MYOM1: variants seen among roughly 807,000 people sequenced by gnomAD.
MYOM1 encodes the protein myomesin 1.
In MYOM1, 164 loss-of-function variants were observed where a neutral mutation model predicts 205.3. The observed-to-expected ratio is 0.80, with a 90% CI of 0.70 to 0.91. The LOEUF (loss-of-function observed/expected upper bound fraction) is 0.91, where lower values mean the gene tolerates loss of function less well. Among genes scored for constraint, MYOM1 ranks in the 40% least tolerant of loss-of-function variants. MYOM1 has a pLI of 0.00. For synonymous variants in MYOM1, 772 were observed against 789.4 expected (o/e 0.98, Z 0.37); for missense variants, 2,011 against 2,127.3 (o/e 0.95, Z 1.08).
intron 5 of MYOM1, 76 bp from the exon 6 acceptor site, chr18:3,176,210 G>A: frequency 2.4e-6 from 2 of 836,252 alleles, no homozygotes; most frequent in Non-Finnish European, 4.0e-6. Flanking sequence ...CACAATTCTT[G>A]TTCTTGCAGG....
At chr18:3,205,166 A>G (rs2081112258) in intron 2 of MYOM1, among the ~76,000 whole-genome samples, 1 of 152,170 alleles carries the variant, frequency 6.6e-6, no homozygotes, top group Non-Finnish European at 1.5e-5. Flanking sequence ...GACTTAATCA[A>G]AGAGTTCTTA....
At chr18:3,094,686 G>A (rs1397930295) in intron 25 of MYOM1, among the ~76,000 whole-genome samples, 1 of 150,296 alleles carries the variant, frequency 6.7e-6, no homozygotes. Context: ...TTTTGCAATA[G>A]GTTCTCACTC....
chr18:3,139,281 C>T (rs145241734), intron 14 of MYOM1, among the ~76,000 whole-genome samples: 13 of 152,296 alleles, frequency 8.5e-5, no homozygotes, highest in African/African-American at 1.4e-4. Flanking sequence ...GTCTCTGACA[C>T]GACCAGATTT....
rs1367446609 is a variant in MYOM1, at chr18:3,215,248, C to T, written c.-25G>A. 9 of 1,579,134 alleles carry T rather than the reference C, an allele frequency of 5.7e-6. No individual in the cohort carries two copies. The highest frequency in any genetic ancestry group is 7.8e-6 in the Non-Finnish European group (9 of 1,160,020). ...TCCTGTGCCCCTTGAAGGAACCGGG[C>T]CACCTGAAGGAAAACAACACTTTTT... On this transcript the variant is annotated 5_prime_UTR_variant, in exon 2 of 38. Transcript: ENST00000356443.
At chr18:3,140,844 G>A (rs952057900) in intron 14 of MYOM1, among the ~76,000 whole-genome samples, 1 of 152,086 alleles carries the variant, frequency 6.6e-6, no homozygotes, top group Admixed American at 6.6e-5. Context: ...AAAATGTAAA[G>A]TAAATGATAC....
chr18:3,124,359 GGC>G (rs1182958207), intron 19 of MYOM1, among the ~76,000 whole-genome samples: 4 of 142,386 alleles, frequency 2.8e-5, no homozygotes, highest in Admixed American at 7.3e-5. Context: ...GGAGTGCAGT[GGC>G]GTGCGATCTT....
At chr18:3,168,787 C>A (rs745630512) in intron 9 of MYOM1, 30 bp downstream of exon 9, 1 of 1,611,700 alleles carries the variant, frequency 6.2e-7, no homozygotes, top group Non-Finnish European at 8.5e-7. Context: ...CGAATAAGAA[C>A]CTAAGTGAGC....
intron 3 of MYOM1, among the ~76,000 whole-genome samples, chr18:3,193,359 T>TACACACACACACACACAC (rs536189289): frequency 1.3e-4 from 16 of 119,310 alleles, no homozygotes; most frequent in Admixed American, 2.5e-4. Context: ...TATATATATA[T>TACACACACACACACACAC]ATACACACAC....
At position 3,193,361 on chromosome 18, in the gene MYOM1, T is replaced by TACACACACACACAC. The variant is rs58632082; in HGVS notation, c.431+443_431+456dup. On this transcript the variant is annotated intron_variant, in intron 3 of 37. Coordinates refer to ENST00000356443, the MANE Select transcript of MYOM1 (RefSeq NM_003803.4). ...ATGTACATATACATATATATATATA[T>TACACACACACACAC]ACACACACACACACACACACAATAA... is the stretch of plus-strand genomic sequence containing the variant. Among the ~76,000 whole-genome samples, 19 of 135,900 alleles carry TACACACACACACAC rather than the reference T, an allele frequency of 1.4e-4. No homozygotes were observed. In the South Asian group the frequency reaches 1.6e-3, roughly 11 times the overall value. The allele number at this position is 135,900 out of a possible 152,430, so 89.2% of individuals were successfully genotyped here. A position where few individuals can be genotyped will look rare whatever the true frequency, so the allele number is the denominator to read the frequency against.
rs1446938789 is a variant in MYOM1 at position 3,179,074 on chromosome 18, G to A, written c.930-2940C>T. On this transcript the variant is annotated intron_variant, in intron 5 of 37. Coordinates refer to ENST00000356443, the MANE Select transcript of MYOM1 (RefSeq NM_003803.4). This position sits in a 1 kb window ranked among gnomAD's most constrained non-coding sequence, Gnocchi z 4.4. ...TGTAGAGACAGGCTCTTGCTATGTT[G>A]CCTATGCTGGTCTTAAACTCCTGGG... Among the ~76,000 whole-genome samples the A allele has an allele frequency of 6.6e-6, 1 of 151,940 alleles. No individual in the cohort carries two copies. Among genetic ancestry groups the A allele is most frequent in the Non-Finnish European group, 1.5e-5 (1 of 67,998 alleles).
Position 3,116,543 on chromosome 18 carries a change from A to G in MYOM1, c.3119-28T>C, listed in dbSNP as rs753008610. 1.1e-5 allele frequency: 17 copies of G among 1,487,710 alleles called. No homozygotes were observed. In the South Asian group the frequency reaches 1.6e-4, roughly 14 times the overall value. 92.2% of individuals were successfully genotyped at this position (1,487,710 alleles called of 1,614,324 possible). Reference sequence around the variant, plus strand: ...GAGAGAGAGAGAAGCCAATGAGTAGAAATCATAACAGAGAAAACTCGTCTC... The same window carrying G: ...GAGAGAGAGAGAAGCCAATGAGTAGGAATCATAACAGAGAAAACTCGTCTC... On this transcript the variant is annotated intron_variant, in intron 20 of 37. Transcript: ENST00000356443.
Position 3,079,354 on chromosome 18 carries a change from G to C in MYOM1, c.4485-12C>G, listed in dbSNP as rs766937117. 2 of 1,599,960 alleles carry C rather than the reference G, an allele frequency of 1.3e-6. No homozygotes were observed. Among genetic ancestry groups the C allele is most frequent in the Admixed American group, 3.4e-5 (2 of 58,666 alleles). ...TAATGGCGGACCCACTGTGAAAATCGAAGAAAACTTCCTTAGCATTTGCTT... is the reference window on the plus strand; with the variant it reads ...TAATGGCGGACCCACTGTGAAAATCCAAGAAAACTTCCTTAGCATTTGCTT... On this transcript the variant is annotated splice_polypyrimidine_tract_variant and intron_variant, in intron 33 of 37. Transcript: ENST00000356443.
intron 29 of MYOM1, among the ~76,000 whole-genome samples, chr18:3,088,126 G>C (rs1043136278): frequency 6.6e-6 from 1 of 152,168 alleles, no homozygotes; most frequent in African/African-American, 2.4e-5. Context: ...TGGTTGCTCA[G>C]AATCTGGGTA....
In MYOM1 at chr18:3,086,090, A is replaced by G; in HGVS notation, c.4199T>C (p.Val1400Ala). Reference sequence around the variant, plus strand: ...ATCCTTAAAGTCATGCTTTTCATCCACTGATATCTCCCTCTCATCTTTGTA... The same window carrying G: ...ATCCTTAAAGTCATGCTTTTCATCCGCTGATATCTCCCTCTCATCTTTGTA... ...VWYKDEREIS[V>A]DEKHDFKDGI... The change falls in exon 30 of 38, where the codon GTG becomes GCG. Residue 1400 changes from valine to alanine, a missense_variant. Physicochemically the swap from Val to Ala is moderately conservative, Grantham distance 64. Coordinates refer to ENST00000356443, the MANE Select transcript of MYOM1 (RefSeq NM_003803.4). The G allele has an allele frequency of 1.9e-6, 3 of 1,612,060 alleles. No homozygotes were observed. Among genetic ancestry groups the G allele is most frequent in the Non-Finnish European group, 2.5e-6 (3 of 1,179,340 alleles).
At chr18:3,120,729 C>T (rs1016496490) in intron 19 of MYOM1, among the ~76,000 whole-genome samples, 5 of 152,108 alleles carry the variant, frequency 3.3e-5, no homozygotes, top group South Asian at 2.1e-4. Context: ...GAAATTTAAA[C>T]GAGTTCTAAG....
chr18:3,136,117 C>T (rs1425351598), intron 14 of MYOM1, among the ~76,000 whole-genome samples: 1 of 108,300 alleles, frequency 9.2e-6, no homozygotes, highest in African/African-American at 4.1e-5. Flanking sequence ...TCACTTGGCT[C>T]TCCTTCTGTC....
At chr18:3,105,146 C>A (rs2079436281) in intron 22 of MYOM1, among the ~76,000 whole-genome samples, 1 of 152,042 alleles carries the variant, frequency 6.6e-6, no homozygotes, top group African/African-American at 2.4e-5. Flanking sequence ...TAAGAAGCTA[C>A]TATGAGCAGG....
chr18:3,162,888 T>C (rs1182207203), intron 10 of MYOM1, among the ~76,000 whole-genome samples: 2 of 151,920 alleles, frequency 1.3e-5, no homozygotes, highest in Non-Finnish European at 2.9e-5. Context: ...TAGCCGGGCA[T>C]GGTGGTGGGC....
intron 22 of MYOM1, among the ~76,000 whole-genome samples, chr18:3,106,378 G>A (rs2079451756): frequency 6.6e-6 from 1 of 152,138 alleles, no homozygotes; most frequent in African/African-American, 2.4e-5. Flanking sequence ...TTATTTTTAG[G>A]TTCTAAGCCA....
Sources: allele counts gnomAD v4.1 joint callset (sites outside exome capture counted in the v4.1 genomes callset), GRCh38; gene constraint gnomAD v4.1.1; non-coding constraint Gnocchi (gnomAD v3.1); transcripts MANE v1.5; gene names NCBI Gene and HGNC (gene_info 2026-07-23, HGNC 2026-07-21).